Variants in GADD45B observed in about 807,000 individuals in gnomAD.
The protein encoded by GADD45B is growth arrest and DNA damage-inducible protein GADD45 beta.
A neutral mutation model predicts 15.2 loss-of-function variants in GADD45B; 8 were observed. The observed-to-expected ratio is 0.53, with a 90% confidence interval of 0.31 to 0.95. GADD45B has a LOEUF of 0.95. Ranked by LOEUF, GADD45B falls within the 40% of genes least tolerant of loss-of-function variation. The pLI is 0.05. For missense variants in GADD45B, 162 were observed against 216.6 expected, an observed-to-expected ratio of 0.75 and a Z score of 1.58; for synonymous variants, 100 against 89.8, an observed-to-expected ratio of 1.11 and a Z score of -0.64.
At chr19:2,476,501 G>A in intron 1 of GADD45B, 28 bp from the exon 2 acceptor site, 2 of 1,602,900 alleles carry the variant, frequency 1.2e-6, no homozygotes, top group South Asian at 1.1e-5. Flanking sequence ...TGGTCCGCCC[G>A]TCACTGATCC....
In GADD45B at chr19:2,476,544, C is replaced by T. The variant is rs1402658800; in HGVS notation, c.60C>T (p.Thr20=). ...DNAAQKMQTV[T]AAVEELLVAA... The stretch of plus-strand genomic sequence containing the variant: ...CTGGTCTCAGGATGCAGACGGTGAC[C>T]GCCGCGGTGGAGGAGCTTTTGGTGG... Residue 20 remains threonine (T), a synonymous_variant, in exon 2 of 4, where the codon ACC becomes ACT. Transcript: ENST00000215631. 4 of 1,606,060 alleles carry T rather than the reference C, an allele frequency of 2.5e-6. No homozygotes were observed. The highest frequency in any genetic ancestry group is 2.7e-5 in the African/African-American group (2 of 74,894).
intron 2 of GADD45B, 43 bp downstream of exon 2, chr19:2,476,673 G>A: frequency 8.4e-7 from 1 of 1,192,520 alleles, no homozygotes; most frequent in South Asian, 1.4e-5. Context: ...GGTGGGACGG[G>A]ACCTCCCCTC....
At position 2,476,579 on chromosome 19, in the gene GADD45B, G is replaced by A; in HGVS notation, c.95G>A (p.Arg32His). 1 of 1,602,702 alleles carries A rather than the reference G, an allele frequency of 6.2e-7. No individual in the cohort carries two copies. The highest frequency in any genetic ancestry group is 8.5e-7 in the Non-Finnish European group (1 of 1,172,656). The change falls in exon 2 of 4, where the codon CGC becomes CAC. Residue 32 changes from arginine (R) to histidine (H), a missense_variant. By Grantham distance (29) the Arg-to-His change is conservative (BLOSUM62 0). Transcript: ENST00000215631. Reference sequence around the variant, plus strand: ...GAGGAGCTTTTGGTGGCCGCTCAGCGCCAGGATCGCCTCACAGTGGGGGTG... The same window carrying A: ...GAGGAGCTTTTGGTGGCCGCTCAGCACCAGGATCGCCTCACAGTGGGGGTG... ...AVEELLVAAQ[R>H]QDRLTVGVYE...
intron 2 of GADD45B, 149 bp downstream of exon 2, chr19:2,476,779 G>A (rs1972321920): frequency 1.6e-6 from 1 of 624,704 alleles, no homozygotes; most frequent in African/African-American, 1.8e-5. Context: ...CCGTTTTGTG[G>A]ATCGGGGGCT....
chr19:2,477,596 C>T lies in GADD45B; in HGVS notation c.478C>T (p.Arg160Cys). 4 of 1,561,394 alleles carry T rather than the reference C, an allele frequency of 2.6e-6. No individual in the cohort carries two copies. The highest frequency in any genetic ancestry group is 1.7e-4 in the Middle Eastern group (1 of 5,972). ...GGTCCCCTACATCTCTCTTCAGGAA[C>T]GCTGAGGCCCTTCCCAGCAGCAGAA... ...QWVPYISLQE[R>C] The change falls in exon 4 of 4, where the codon CGC (arginine) becomes TGC (cysteine). Residue 160 changes from arginine to cysteine, a missense_variant. By Grantham distance (180) the Arg-to-Cys change is radical. Coordinates refer to ENST00000215631, the MANE Select transcript of GADD45B (RefSeq NM_015675.4). The surrounding 1 kb of genome is among the most constrained non-coding windows in gnomAD (Gnocchi z 4.2).
chr19:2,477,490 C>T lies in GADD45B; in HGVS notation c.372C>T (p.Asn124=). Residue 124 remains asparagine, a splice_region_variant and synonymous_variant, in exon 4 of 4, where the codon AAC becomes AAT. Coordinates refer to ENST00000215631, the MANE Select transcript of GADD45B (RefSeq NM_015675.4). The surrounding 1 kb of genome is among the most constrained non-coding windows in gnomAD (Gnocchi z 4.2). ...ARDLHCLLVT[N]PHTDAWKSHG... ...ACCCCTTCTTTTCCCTCCTACAGAACCCTCACACGGACGCCTGGAAGAGCC... is the reference window on the plus strand; with the variant it reads ...ACCCCTTCTTTTCCCTCCTACAGAATCCTCACACGGACGCCTGGAAGAGCC... 2 of 1,606,908 alleles carry T rather than the reference C, an allele frequency of 1.2e-6. No individual in the cohort carries two copies. The highest frequency in any genetic ancestry group is 1.7e-6 in the Non-Finnish European group (2 of 1,173,550).
Position 2,476,164 on chromosome 19 carries a change from A to G in GADD45B, c.-195A>G, listed in dbSNP as rs190017210. ...CGTCGGACTACCGTTGGTTTCCGCA[A>G]CTTCCTGGATTATCCTCGCCAAGGA... On this transcript the variant is annotated 5_prime_UTR_variant, in exon 1 of 4. Coordinates refer to ENST00000215631, the MANE Select transcript of GADD45B (RefSeq NM_015675.4). The G allele has an allele frequency of 9.5e-6, 6 of 630,858 alleles. No homozygotes were observed. The highest frequency in any genetic ancestry group is 3.7e-5 in the African/African-American group (2 of 54,664). The allele number at this position is 630,858 out of a possible 1,614,324, so 39.1% of individuals were successfully genotyped here.
At chr19:2,476,966 C>T in intron 2 of GADD45B, 63 bp from the exon 3 acceptor site, 4 of 1,089,284 alleles carry the variant, frequency 3.7e-6, no homozygotes, top group Non-Finnish European at 2.8e-6. Flanking sequence ...TTGCAAACTC[C>T]CCCTGCACGG....
At position 2,477,652 on chromosome 19, in the gene GADD45B, A is replaced by G. The variant is rs1204091333; in HGVS notation, c.*51A>G. 1.0e-6 allele frequency: 1 copy of G among 977,660 alleles called. No homozygotes were observed. Among genetic ancestry groups the G allele is most frequent in the Admixed American group, 1.9e-5 (1 of 51,490 alleles). 60.6% of individuals were successfully genotyped at this position (977,660 alleles called of 1,614,324 possible). On this transcript the variant is annotated 3_prime_UTR_variant, in exon 4 of 4. Coordinates refer to ENST00000215631, the MANE Select transcript of GADD45B (RefSeq NM_015675.4). The surrounding 1 kb of genome is among the most constrained non-coding windows in gnomAD (Gnocchi z 4.2). ...TGAGTTGCTGCCACAAACAAAAAAT[A>G]CAATAAATATTTGAACCCCCTCCCC...
At position 2,477,468 on chromosome 19, in the gene GADD45B, C is replaced by A; in HGVS notation, c.370-20C>A. 1 of 1,540,534 alleles carries A rather than the reference C, an allele frequency of 6.5e-7. No homozygotes were observed. Among genetic ancestry groups the A allele is most frequent in the Non-Finnish European group, 9.0e-7 (1 of 1,114,574 alleles). ...CGGGAGAGGGAGGCTCCACTAAACC[C>A]CTTCTTTTCCCTCCTACAGAACCCT... is the stretch of plus-strand genomic sequence containing the variant. On this transcript the variant is annotated intron_variant, in intron 3 of 3. Transcript: ENST00000215631. This position sits in a 1 kb window ranked among gnomAD's most constrained non-coding sequence, Gnocchi z 4.2.
rs1317833070 is a variant in GADD45B, at chr19:2,476,330, C to T, written c.-29C>T. ...TTTCTCCCTGGGGACTGCCGTGGAGCCGCATCCACTGTGGATTATAATTGC... is the reference window on the plus strand; with the variant it reads ...TTTCTCCCTGGGGACTGCCGTGGAGTCGCATCCACTGTGGATTATAATTGC... On this transcript the variant is annotated 5_prime_UTR_variant, in exon 1 of 4. Transcript: ENST00000215631. 6.2e-7 allele frequency: 1 copy of T among 1,611,892 alleles called. No individual in the cohort carries two copies.
chr19:2,477,677 C>A lies in GADD45B; in HGVS notation c.*76C>A. On this transcript the variant is annotated 3_prime_UTR_variant, in exon 4 of 4. Coordinates refer to ENST00000215631, the MANE Select transcript of GADD45B (RefSeq NM_015675.4). This position sits in a 1 kb window ranked among gnomAD's most constrained non-coding sequence, Gnocchi z 4.2. ...ACAATAAATATTTGAACCCCCTCCC[C>A]CCCAGCACAACCCCCCCAAAACAAC... 2 of 675,488 alleles carry A rather than the reference C, an allele frequency of 3.0e-6. No homozygotes were observed. Among genetic ancestry groups the A allele is most frequent in the Admixed American group, 2.3e-5 (1 of 43,496 alleles). The allele number at this position is 675,488 out of a possible 1,614,324, so 41.8% of individuals were successfully genotyped here.
intron 2 of GADD45B, 101 bp from the exon 3 acceptor site, chr19:2,476,928 T>A (rs1207089665): frequency 1.4e-6 from 1 of 730,718 alleles, no homozygotes; most frequent in Non-Finnish European, 2.3e-6. Flanking sequence ...CCCTTGCAGT[T>A]TCTCTTTTGC....
rs14384 is a variant in GADD45B at position 2,477,825 on chromosome 19, T to C, written c.*224T>C. The stretch of plus-strand genomic sequence containing the variant: ...CAGGAGCTGGCGGCCGCCGATCCGA[T>C]GGAGAAGGGGGGACCCAGGCCAGCA... On this transcript the variant is annotated 3_prime_UTR_variant, in exon 4 of 4. Transcript: ENST00000215631. The surrounding 1 kb of genome is among the most constrained non-coding windows in gnomAD (Gnocchi z 4.2). 39,108 of 382,384 alleles carry C rather than the reference T, an allele frequency of 0.1. 2,266 individuals are homozygous for C. Among genetic ancestry groups the C allele is most frequent in the Middle Eastern group, 0.16 (199 of 1,256 alleles). The allele number at this position is 382,384 out of a possible 1,614,324, so 23.7% of individuals were successfully genotyped here. A position where few individuals can be genotyped will look rare whatever the true frequency, so the allele number is the denominator to read the frequency against.
Position 2,478,001 on chromosome 19 carries a change from A to T in GADD45B, c.*400A>T, listed in dbSNP as rs2144696407. On this transcript the variant is annotated 3_prime_UTR_variant, in exon 4 of 4. Transcript: ENST00000215631. ...CAAGCCCCACCCTCCTTGAGACTGG[A>T]GCTGGCGTCTGCATACGAGAGACTT... 1 of 164,202 alleles carries T rather than the reference A, an allele frequency of 6.1e-6. No homozygotes were observed. Among genetic ancestry groups the T allele is most frequent in the African/African-American group, 2.4e-5 (1 of 41,744 alleles). 10.2% of individuals were successfully genotyped at this position (164,202 alleles called of 1,614,324 possible).
At position 2,476,385 on chromosome 19, in the gene GADD45B, C is replaced by A. The variant is rs760666301; in HGVS notation, c.27C>A (p.Cys9Ter). The A allele has an allele frequency of 6.2e-7, 1 of 1,613,436 alleles. No individual in the cohort carries two copies. Among genetic ancestry groups the A allele is most frequent in the South Asian group, 1.1e-5 (1 of 91,076 alleles). The change falls in exon 1 of 4, where the codon TGC becomes TGA. Residue 9 changes from cysteine to a stop codon, truncating the protein, a stop_gained. Transcript: ENST00000215631. LOFTEE classifies it high-confidence loss of function. ...TGACGCTGGAAGAGCTCGTGGCGTG[C>A]GACAACGCGGCGCAGAAGTAAGTAG... is the stretch of plus-strand genomic sequence containing the variant. MTLEELVA[C>*]DNAAQKMQTV...
In GADD45B at chr19:2,477,063, A is replaced by G; in HGVS notation, c.181A>G (p.Ile61Val). 1 of 1,613,680 alleles carries G rather than the reference A, an allele frequency of 6.2e-7. No individual in the cohort carries two copies. Among genetic ancestry groups the G allele is most frequent in the South Asian group, 1.1e-5 (1 of 91,072 alleles). The change falls in exon 3 of 4, where the codon ATT becomes GTT. Residue 61 changes from isoleucine (I) to valine (V), a missense_variant. Physicochemically the swap from Ile to Val is conservative, Grantham distance 29 (BLOSUM62 3). Transcript: ENST00000215631. This position sits in a 1 kb window ranked among gnomAD's most constrained non-coding sequence, Gnocchi z 4.2. The stretch of plus-strand genomic sequence containing the variant: ...CAGCGTGGTCCTCTGCCTCTTGGCC[A>G]TTGACGAGGAGGAGGAGGATGACAT... ...PDSVVLCLLA[I>V]DEEEEDDIAL...
In GADD45B at chr19:2,476,613, G is replaced by A. The variant is rs1179693478; in HGVS notation, c.129G>A (p.Ser43=). The change falls in exon 2 of 4, where the codon TCG becomes TCA. Residue 43 remains serine (S), a synonymous_variant. Transcript: ENST00000215631. ...GCCTCACAGTGGGGGTGTACGAGTCGGCCAAGTTGATGAATGTGTGAGTCA... is the reference window on the plus strand; with the variant it reads ...GCCTCACAGTGGGGGTGTACGAGTCAGCCAAGTTGATGAATGTGTGAGTCA... ...QDRLTVGVYE[S]AKLMNVDPDS... 23 of 1,575,492 alleles carry A rather than the reference G, an allele frequency of 1.5e-5. No individual in the cohort carries two copies. Among genetic ancestry groups the A allele is most frequent in the Non-Finnish European group, 2.0e-5 (23 of 1,156,738 alleles).
chr19:2,477,068 C>T lies in GADD45B; in HGVS notation c.186C>T (p.Asp62=). 1.6e-5 allele frequency: 26 copies of T among 1,613,462 alleles called. No individual in the cohort carries two copies. The highest frequency in any genetic ancestry group is 5.5e-5 in the South Asian group (5 of 91,066). The change falls in exon 3 of 4, where the codon GAC becomes GAT. Residue 62 remains aspartate, a synonymous_variant. Transcript: ENST00000215631. The surrounding 1 kb of genome is among the most constrained non-coding windows in gnomAD (Gnocchi z 4.2). ...DSVVLCLLAI[D]EEEEDDIALQ... ...TGGTCCTCTGCCTCTTGGCCATTGA[C>T]GAGGAGGAGGAGGATGACATCGCCC...
Sources: gnomAD v4.1 joint callset for allele counts on GRCh38, gnomAD v4.1.1 for gene constraint, Gnocchi (gnomAD v3.1) non-coding constraint, MANE v1.5 for transcripts, NCBI Gene and HGNC (gene_info 2026-07-23, HGNC 2026-07-21) for gene names.